TDRD9: variants seen among roughly 807,000 people sequenced by gnomAD.
The protein encoded by TDRD9 is tudor domain containing 9, also known as ATP-dependent RNA helicase TDRD9.
In TDRD9, 124 loss-of-function variants were observed where a neutral mutation model predicts 172.6. The observed-to-expected ratio is 0.72, with a 90% CI of 0.62 to 0.83. The LOEUF is 0.83. Among genes scored for constraint, TDRD9 ranks in the 40% least tolerant of loss-of-function variants. TDRD9 has a pLI of 0.00. For synonymous variants in TDRD9, 619 were observed against 617.1 expected (o/e 1.00, Z -0.05); for missense variants, 1,479 against 1,714.1 (o/e 0.86, Z 2.42).
rs1555365945 is a variant in TDRD9, at chr14:103,965,211, C to CGG, written c.421-122_421-121insGG. On this transcript the variant is annotated intron_variant, in intron 3 of 35. Coordinates refer to ENST00000409874, the MANE Select transcript of TDRD9 (RefSeq NM_153046.3). Reference sequence around the variant, plus strand: ...TGGGCAACAGAGCGAGACTCCATCTCAAACAAAACAAAACAAAACTTTAAG... The same window carrying CGG: ...TGGGCAACAGAGCGAGACTCCATCTCGGAAACAAAACAAAACAAAACTTTAAG... 6 of 1,083,784 alleles carry CGG rather than the reference C, an allele frequency of 5.5e-6. No homozygotes were observed. The African/African-American group carries it at 7.9e-5, about 14-fold the overall frequency. 67.1% of individuals were successfully genotyped at this position (1,083,784 alleles called of 1,614,324 possible).
At chr14:103,952,221 T>TATATA (rs1491171136) in intron 1 of TDRD9, among the ~76,000 whole-genome samples, 1 of 14,350 alleles carries the variant, frequency 7.0e-5, no homozygotes, top group Non-Finnish European at 1.2e-4. Flanking sequence ...TATATATATA[T>TATATA]TTTTTTTTTT....
intron 1 of TDRD9, chr14:103,941,263 A>C (rs1164491167): frequency 1.2e-6 from 1 of 845,628 alleles, no homozygotes; most frequent in Non-Finnish European, 1.7e-6. Flanking sequence ...TTTTAAATGT[A>C]ATTTAAAACA....
chr14:103,990,232 A>C (rs1327573804), intron 8 of TDRD9, among the ~76,000 whole-genome samples: 1 of 152,102 alleles, frequency 6.6e-6, no homozygotes, highest in East Asian at 1.9e-4. Context: ...TGTGTTTTTC[A>C]TGGTAGTGGC....
At chr14:103,948,362 G>A (rs1448551608) in intron 1 of TDRD9, among the ~76,000 whole-genome samples, 8 of 152,086 alleles carry the variant, frequency 5.3e-5, no homozygotes, top group African/African-American at 1.9e-4. Context: ...GTGAGGATGT[G>A]GAGAAATTGG....
chr14:104,026,244 A>G (rs1420991386), intron 27 of TDRD9, 108 bp downstream of exon 27: 2 of 761,854 alleles, frequency 2.6e-6, no homozygotes, highest in Non-Finnish European at 4.5e-6. Context: ...TAGGGGAGCC[A>G]AGGCCCAGGA....
chr14:104,051,876 G>T (rs775386820), intron 35 of TDRD9, 105 bp from the exon 36 acceptor site: 18 of 643,650 alleles, frequency 2.8e-5, no homozygotes, highest in Non-Finnish European at 3.6e-5. Flanking sequence ...TATTTTTGGA[G>T]AACTGAATTA....
At chr14:103,933,693 C>T (rs965675375) in intron 1 of TDRD9, among the ~76,000 whole-genome samples, 2 of 152,180 alleles carry the variant, frequency 1.3e-5, no homozygotes, top group Non-Finnish European at 2.9e-5. Context: ...CAGGTGTGAG[C>T]CACCGCATCT....
chr14:104,005,237 T>A (rs190665147), intron 14 of TDRD9, 37 bp from the exon 15 acceptor site: 1 of 1,610,756 alleles, frequency 6.2e-7, no homozygotes, highest in Non-Finnish European at 8.5e-7. Flanking sequence ...GATTTAGTTA[T>A]GTTATTATTT....
chr14:103,998,469 G>A (rs962388064), intron 12 of TDRD9, among the ~76,000 whole-genome samples, 155 bp from the exon 13 acceptor site: 4 of 152,140 alleles, frequency 2.6e-5, no homozygotes, highest in Non-Finnish European at 5.9e-5. Flanking sequence ...TCCCCATCCT[G>A]GGCGGGAGTG....
chr14:104,044,734 A>C (rs1040876014), intron 34 of TDRD9, among the ~76,000 whole-genome samples: 8 of 152,262 alleles, frequency 5.3e-5, no homozygotes, highest in Non-Finnish European at 1.2e-4. Context: ...CATTATGAAG[A>C]AAGCTGCTAT....
intron 1 of TDRD9, chr14:103,941,132 G>A (rs1487490013): frequency 1.3e-6 from 2 of 1,493,486 alleles, no homozygotes; most frequent in African/African-American, 2.8e-5. Context: ...TGAATATTCA[G>A]TTTAGAACAT....
chr14:103,956,111 A>AATATATATATATATATATAT (rs1173008862), intron 2 of TDRD9, among the ~76,000 whole-genome samples: 4 of 18,358 alleles, frequency 2.2e-4, no homozygotes, highest in African/African-American at 1.1e-3. Context: ...AAAAAAAAAA[A>AATATATATATATATATATAT]ATATATATAT....
In TDRD9 at chr14:103,960,023, G is replaced by A. The variant is rs76023673; in HGVS notation, c.323-3056G>A. 9.7e-4 allele frequency among the ~76,000 whole-genome samples: 147 copies of A among 152,258 alleles called. 3 individuals are homozygous for A. The East Asian group carries it at 0.024, about 25-fold the overall frequency. The stretch of plus-strand genomic sequence containing the variant: ...TTTAGCTTTTCTTCTGGTTTTAAGA[G>A]AATGGCCTATGTGGAATGTCTAATA... On this transcript the variant is annotated intron_variant, in intron 2 of 35. Transcript: ENST00000409874.
At chr14:103,939,450 A>T (rs1161623242) in intron 1 of TDRD9, among the ~76,000 whole-genome samples, 1 of 152,156 alleles carries the variant, frequency 6.6e-6, no homozygotes, top group Non-Finnish European at 1.5e-5. Context: ...CCACTCTAGG[A>T]AATCTTACAG....
At chr14:103,979,634 C>T (rs1046887803) in intron 7 of TDRD9, among the ~76,000 whole-genome samples, 4 of 152,184 alleles carry the variant, frequency 2.6e-5, no homozygotes, top group Admixed American at 2.6e-4. Context: ...TGCTATTAGG[C>T]CCCACCTCCA....
chr14:103,969,090 A>G (rs2032900678), intron 5 of TDRD9, among the ~76,000 whole-genome samples: 1 of 144,626 alleles, frequency 6.9e-6, no homozygotes, highest in South Asian at 2.2e-4. Flanking sequence ...ACAGAATAAG[A>G]CTCTGTGTAA....
At chr14:104,015,168 G>C (rs908207529) in intron 21 of TDRD9, among the ~76,000 whole-genome samples, 2 of 152,060 alleles carry the variant, frequency 1.3e-5, no homozygotes, top group African/African-American at 4.8e-5. Context: ...TTTTGTTTTA[G>C]CTTTTAAGAA....
At chr14:103,942,732 T>C (rs1418736200) in intron 1 of TDRD9, among the ~76,000 whole-genome samples, 1 of 152,202 alleles carries the variant, frequency 6.6e-6, no homozygotes, top group Non-Finnish European at 1.5e-5. Context: ...ACATACATTC[T>C]GAGAAAACTC....
chr14:104,013,755 A>G (rs1396725466), intron 20 of TDRD9: 2 of 151,638 alleles, frequency 1.3e-5, no homozygotes. Context: ...TGGGTGTTGC[A>G]TTAAACGCAA....
Sources: gnomAD v4.1 joint callset for allele counts (sites outside exome capture counted in the v4.1 genomes callset) on GRCh38, gnomAD v4.1.1 for gene constraint, MANE v1.5 for transcripts, NCBI Gene and HGNC (gene_info 2026-07-23, HGNC 2026-07-21) for gene names.